Variants in GPSM1 observed in about 807,000 individuals in gnomAD.
GPSM1 encodes the protein G protein-signaling modulator 1.
Under a neutral mutation model 70.5 loss-of-function variants are expected in GPSM1, and 48 were observed. The ratio of observed to expected loss-of-function variants is 0.68; its 90% CI spans 0.54 to 0.87. The LOEUF (loss-of-function observed/expected upper bound fraction) is 0.87, where lower values mean the gene tolerates loss of function less well. GPSM1 is among the 40% of genes least tolerant of loss of function. The pLI, the probability that GPSM1 is intolerant of heterozygous loss-of-function variation, is 0.00. For synonymous variants in GPSM1, 416 were observed against 430.1 expected, an observed-to-expected ratio of 0.97 and a Z score of 0.41; for missense variants, 981 against 972.6, an observed-to-expected ratio of 1.01 and a Z score of -0.11.
At position 136,327,770 on chromosome 9, in the gene GPSM1, C is replaced by CGGGACG; in HGVS notation, c.68+10_68+11insACGGGG. 1 of 1,095,754 alleles carries CGGGACG rather than the reference C, an allele frequency of 9.1e-7. No homozygotes were observed. Among genetic ancestry groups the CGGGACG allele is most frequent in the Non-Finnish European group, 1.1e-6 (1 of 877,684 alleles). The allele number at this position is 1,095,754 out of a possible 1,614,324, so 67.9% of individuals were successfully genotyped here. A position where few individuals can be genotyped will look rare whatever the true frequency, so the allele number is the denominator to read the frequency against. Reference sequence around the variant, plus strand: ...CCAGGCGCCTCTACTCCAGGTAGGACGGGCCGGGGCCGGGGCCGGGGCCGG... The same window carrying CGGGACG: ...CCAGGCGCCTCTACTCCAGGTAGGACGGGACGGGGCCGGGGCCGGGGCCGGGGCCGG... On this transcript the variant is annotated splice_region_variant and intron_variant, in intron 1 of 13. Transcript: ENST00000440944.
At chr9:136,353,398 C>A (rs1832724121) in intron 11 of GPSM1, among the ~76,000 whole-genome samples, 2 of 152,156 alleles carry the variant, frequency 1.3e-5, no homozygotes, top group Non-Finnish European at 2.9e-5. Context: ...AACCCCGAGT[C>A]CCACTGGATA....
In GPSM1 at chr9:136,358,026, G is replaced by A. The variant is rs782062269; in HGVS notation, c.1834G>A (p.Asp612Asn). 40 of 1,612,386 alleles carry A rather than the reference G, an allele frequency of 2.5e-5. No individual in the cohort carries two copies. The Middle Eastern group carries it at 6.6e-4, about 27-fold the overall frequency. The change falls in exon 14 of 14, where the codon GAT (aspartate) becomes AAT (asparagine). Residue 612 changes from aspartate to asparagine, a missense_variant. Physicochemically the swap from Asp to Asn is conservative, Grantham distance 23. Coordinates refer to ENST00000440944, the MANE Select transcript of GPSM1 (RefSeq NM_001145638.3). ...MLIKYQSSRI[D>N]DQRCPPPDVL... is the part of the protein sequence containing the mutation. ...TGTGTCCACCCAGTCCTCCAGGATC[G>A]ATGACCAGCGCTGCCCGCCACCTGA...
At chr9:136,345,558 C>T (rs1209927726) in intron 9 of GPSM1, among the ~76,000 whole-genome samples, 1 of 152,234 alleles carries the variant, frequency 6.6e-6, no homozygotes, top group East Asian at 1.9e-4. Flanking sequence ...AGGGCCCATC[C>T]ATGCGGTGTC....
rs1554770513 is a variant in GPSM1 at position 136,342,664 on chromosome 9, C to T, written c.1207+1671C>T. ...GGGACAGGGCCTTGAGGCCGGGAGTCTGGACCCGGCGTTGCGGGTTGGGGG... is the reference window on the plus strand; with the variant it reads ...GGGACAGGGCCTTGAGGCCGGGAGTTTGGACCCGGCGTTGCGGGTTGGGGG... On this transcript the variant is annotated intron_variant, in intron 9 of 13. Coordinates refer to ENST00000440944, the MANE Select transcript of GPSM1 (RefSeq NM_001145638.3). The surrounding 1 kb of genome is among the most constrained non-coding windows in gnomAD (Gnocchi z 5.5). 1.3e-5 allele frequency among the ~76,000 whole-genome samples: 2 copies of T among 152,168 alleles called. No individual in the cohort carries two copies. The highest frequency in any genetic ancestry group is 4.8e-5 in the African/African-American group (2 of 41,456).
At chr9:136,352,984 C>T (rs965264525) in intron 11 of GPSM1, 39 of 571,410 alleles carry the variant, frequency 6.8e-5, no homozygotes, top group African/African-American at 1.6e-4. Flanking sequence ...CTAGGAGGGC[C>T]GAGCCCTTGC....
At chr9:136,327,800 GGGACCGGACC>G in intron 1 of GPSM1, 37 bp downstream of exon 1, 2 of 914,478 alleles carry the variant, frequency 2.2e-6, no homozygotes, top group East Asian at 7.9e-5. Flanking sequence ...GGCCGGGGCT[GGGACCGGACC>G]GGGCCGGGTC....
rs1554773660 is a variant in GPSM1, at chr9:136,358,275, A to C, written c.*55A>C. 4 of 1,421,052 alleles carry C rather than the reference A, an allele frequency of 2.8e-6. No homozygotes were observed. Among genetic ancestry groups the C allele is most frequent in the African/African-American group, 1.4e-5 (1 of 70,460 alleles). The allele number at this position is 1,421,052 out of a possible 1,614,324, so 88.0% of individuals were successfully genotyped here. ...GCCCCCACTCCTGGACGCCGGTCTC[A>C]CAGTCACAGCCACGTCCTCCCGAGG... On this transcript the variant is annotated 3_prime_UTR_variant, in exon 14 of 14. Transcript: ENST00000440944.
Position 136,341,527 on chromosome 9 carries a change from C to T in GPSM1, c.1207+534C>T, listed in dbSNP as rs1389819671. ...GCAGTGCTGCAGACACAGGACAGAA[C>T]GTCCCCTGCAAAGCGAAAAGACTAA... On this transcript the variant is annotated intron_variant, in intron 9 of 13. Transcript: ENST00000440944. The surrounding 1 kb of genome is among the most constrained non-coding windows in gnomAD (Gnocchi z 6.7). The T allele has an allele frequency of 4.4e-5, 50 of 1,136,284 alleles. No individual in the cohort carries two copies. The highest frequency in any genetic ancestry group is 1.1e-4 in the South Asian group (4 of 35,890). The allele number at this position is 1,136,284 out of a possible 1,614,324, so 70.4% of individuals were successfully genotyped here. A position where few individuals can be genotyped will look rare whatever the true frequency, so the allele number is the denominator to read the frequency against.
Position 136,337,479 on chromosome 9 carries a change from C to T in GPSM1, c.617C>T (p.Ala206Val), listed in dbSNP as rs372615701. Reference sequence around the variant, plus strand: ...CTGGTGAAGGAGCTGGGCGACCGTGCGGCGCAGGGCAGGGCCTACGGCAAC... The same window carrying T: ...CTGGTGAAGGAGCTGGGCGACCGTGTGGCGCAGGGCAGGGCCTACGGCAAC... ...LSLVKELGDRAAQGRAYGNLG... is the reference protein window; with the variant it reads ...LSLVKELGDRVAQGRAYGNLG... Residue 206 changes from alanine (A) to valine (V), a missense_variant, in exon 5 of 14, where the codon GCG becomes GTG. Transcript: ENST00000440944. 2.1e-4 allele frequency: 325 copies of T among 1,567,280 alleles called. 2 individuals are homozygous for T. Among genetic ancestry groups the T allele is most frequent in the South Asian group, 1.7e-3 (142 of 85,218 alleles).
At chr9:136,349,924 G>C (rs28445975) in intron 11 of GPSM1, among the ~76,000 whole-genome samples, 161 bp downstream of exon 11, 1 of 152,128 alleles carries the variant, frequency 6.6e-6, no homozygotes, top group South Asian at 2.1e-4. Flanking sequence ...CTGGGACCCC[G>C]GTGGGGGCTC....
intron 9 of GPSM1, among the ~76,000 whole-genome samples, chr9:136,345,400 C>T (rs1414459498): frequency 6.6e-6 from 1 of 152,236 alleles, no homozygotes; most frequent in Non-Finnish European, 1.5e-5. Context: ...TCACACTCAA[C>T]GCCTCAGCCG....
Position 136,341,077 on chromosome 9 carries a change from G to C in GPSM1, c.1207+84G>C. Reference sequence around the variant, plus strand: ...CTGCGGAGGGGTGGGATCGAGGCCAGGCCAGCATGGCGGAGGTGGCAGCCG... The same window carrying C: ...CTGCGGAGGGGTGGGATCGAGGCCACGCCAGCATGGCGGAGGTGGCAGCCG... On this transcript the variant is annotated intron_variant, in intron 9 of 13. Transcript: ENST00000440944. The surrounding 1 kb of genome is among the most constrained non-coding windows in gnomAD (Gnocchi z 6.7). 1.3e-6 allele frequency: 2 copies of C among 1,550,532 alleles called. No homozygotes were observed. The highest frequency in any genetic ancestry group is 1.7e-6 in the Non-Finnish European group (2 of 1,147,132).
chr9:136,348,855 C>T (rs1415869330), intron 10 of GPSM1, 88 bp downstream of exon 10: 7 of 963,732 alleles, frequency 7.3e-6, no homozygotes, highest in Admixed American at 6.2e-5. Flanking sequence ...CCGCCACCCA[C>T]CTCAGCCCCT....
chr9:136,353,545 C>T lies in GPSM1; in HGVS notation c.1456-2145C>T, dbSNP rs79786307. ...TGAGCCACGGTTTTGCACCTGCAGT[C>T]GTGGGCCCCTGCCCCCATGTGAGGG... On this transcript the variant is annotated intron_variant, in intron 11 of 13. Coordinates refer to ENST00000440944, the MANE Select transcript of GPSM1 (RefSeq NM_001145638.3). Among the ~76,000 whole-genome samples, 111 of 152,312 alleles carry T rather than the reference C, an allele frequency of 7.3e-4. 2 individuals are homozygous for T. In the East Asian group the frequency reaches 0.02, roughly 28 times the overall value.
intron 9 of GPSM1, among the ~76,000 whole-genome samples, chr9:136,345,854 TG>T (rs1321014236): frequency 6.6e-6 from 1 of 151,814 alleles, no homozygotes; most frequent in Non-Finnish European, 1.5e-5. Flanking sequence ...CTCATCTGGG[TG>T]GGGGTGGGCA....
At position 136,337,039 on chromosome 9, in the gene GPSM1, G is replaced by A. The variant is rs1326988572; in HGVS notation, c.545G>A (p.Arg182Gln). 1.2e-5 allele frequency: 19 copies of A among 1,551,728 alleles called. No individual in the cohort carries two copies. Among genetic ancestry groups the A allele is most frequent in the East Asian group, 7.3e-5 (3 of 41,212 alleles). ...CCCGGGCACCTGCCGCCCGATGTCC[G>A]AGAGACCCTGTGCAAGGCCTCCGAG... ...QDPGHLPPDV[R>Q]ETLCKASEFY... is the part of the protein sequence containing the mutation. The change falls in exon 4 of 14, where the codon CGA becomes CAA. Residue 182 changes from arginine (R) to glutamine (Q), a missense_variant. By Grantham distance (43) the Arg-to-Gln change is conservative (BLOSUM62 1). Transcript: ENST00000440944.
intron 11 of GPSM1, 83 bp downstream of exon 11, chr9:136,349,846 G>A: frequency 2.2e-6 from 3 of 1,343,232 alleles, no homozygotes; most frequent in Non-Finnish European, 3.0e-6. Context: ...AGCCAACGGG[G>A]CCAGGTCAGG....
rs1554770192 is a variant in GPSM1, at chr9:136,341,067, A to G, written c.1207+74A>G. 2 of 1,551,588 alleles carry G rather than the reference A, an allele frequency of 1.3e-6. No homozygotes were observed. The highest frequency in any genetic ancestry group is 2.4e-5 in the South Asian group (2 of 84,144). ...GCATCAGGAGCTGCGGAGGGGTGGG[A>G]TCGAGGCCAGGCCAGCATGGCGGAG... is the stretch of plus-strand genomic sequence containing the variant. On this transcript the variant is annotated intron_variant, in intron 9 of 13. Transcript: ENST00000440944. This position sits in a 1 kb window ranked among gnomAD's most constrained non-coding sequence, Gnocchi z 6.7.
chr9:136,347,811 C>T (rs1265944695), intron 9 of GPSM1, among the ~76,000 whole-genome samples: 2 of 152,210 alleles, frequency 1.3e-5, no homozygotes, highest in Non-Finnish European at 2.9e-5. Flanking sequence ...GCTCAGGGAG[C>T]GGCTGGGCTG....
Sources: allele counts gnomAD v4.1 joint callset (sites outside exome capture counted in the v4.1 genomes callset), GRCh38; gene constraint gnomAD v4.1.1; non-coding constraint Gnocchi (gnomAD v3.1); transcripts MANE v1.5; gene names NCBI Gene and HGNC (gene_info 2026-07-23, HGNC 2026-07-21).